The following SNX14 variants were observed in gnomAD, a reference collection of about 807,000 sequenced individuals.
SNX14 encodes sorting nexin-14.
SNX14 carries 93 observed loss-of-function variants against 133.8 expected under a neutral mutation model. The observed-to-expected ratio is 0.70, with a 90% confidence interval of 0.59 to 0.83. The LOEUF (loss-of-function observed/expected upper bound fraction) is 0.83, where lower values mean the gene tolerates loss of function less well. Among genes scored for constraint, SNX14 ranks in the 40% least tolerant of loss-of-function variants. The probability of loss-of-function intolerance (pLI) is 0.00; values close to 1 mark genes in which losing one functional copy is unlikely to be tolerated. For missense variants in SNX14, 945 were observed against 1,094.9 expected (o/e 0.86, Z 1.93); for synonymous variants, 368 against 365.6 (o/e 1.01, Z -0.07).
intron 18 of SNX14, among the ~76,000 whole-genome samples, chr6:85,530,601 C>A (rs189277907): frequency 6.7e-6 from 1 of 149,534 alleles, no homozygotes; most frequent in Non-Finnish European, 1.5e-5. Context: ...GCCGAGATTG[C>A]GCCATTGCAC....
intron 24 of SNX14, 81 bp downstream of exon 24, chr6:85,514,425 G>C: frequency 3.3e-6 from 5 of 1,526,030 alleles, no homozygotes; most frequent in Middle Eastern, 1.7e-4. Flanking sequence ...AGTTATGATG[G>C]GGCAATACTC....
Position 85,593,854 on chromosome 6 carries a change from C to A in SNX14, c.-136G>T. On this transcript the variant is annotated 5_prime_UTR_variant, in exon 1 of 29. Coordinates refer to ENST00000314673, the MANE Select transcript of SNX14 (RefSeq NM_153816.6). Reference sequence around the variant, plus strand: ...CCTACCGGCAGTTAGCCGCCGCAGGCTGAGGTCGCGTCCGGCTGGGCCCAG... The same window carrying A: ...CCTACCGGCAGTTAGCCGCCGCAGGATGAGGTCGCGTCCGGCTGGGCCCAG... The A allele has an allele frequency of 6.7e-7, 1 of 1,488,344 alleles. No homozygotes were observed. The highest frequency in any genetic ancestry group is 8.9e-7 in the Non-Finnish European group (1 of 1,126,302). The allele number at this position is 1,488,344 out of a possible 1,614,324, so 92.2% of individuals were successfully genotyped here.
intron 1 of SNX14, among the ~76,000 whole-genome samples, chr6:85,591,284 A>C (rs965048743): frequency 2.0e-5 from 3 of 151,574 alleles, no homozygotes; most frequent in Non-Finnish European, 4.4e-5. Flanking sequence ...ACACATATAC[A>C]CTGAAAAGCA....
chr6:85,569,101 T>A (rs915589176), intron 4 of SNX14, among the ~76,000 whole-genome samples: 57 of 152,160 alleles, frequency 3.7e-4, no homozygotes, highest in Non-Finnish European at 1.0e-4. Flanking sequence ...TAGCTGGGAT[T>A]ATAGGCATGT....
rs115055058 is a variant in SNX14 at position 85,558,535 on chromosome 6, C to T, written c.550-475G>A. ...AGCCTGGAGAGCAGTGGCACCATCT[C>T]ACTGCAGTCTCAGTCTCCCGGGCTC... On this transcript the variant is annotated intron_variant, in intron 6 of 28. Coordinates refer to ENST00000314673, the MANE Select transcript of SNX14 (RefSeq NM_153816.6). Among the ~76,000 whole-genome samples, 1,510 of 152,326 alleles carry T rather than the reference C, an allele frequency of 9.9e-3. 30 individuals are homozygous for T. The highest frequency in any genetic ancestry group is 0.035 in the African/African-American group (1,453 of 41,570).
Position 85,569,396 on chromosome 6 carries a change from T to C in SNX14, c.418-1819A>G, listed in dbSNP as rs889691618. ...CATTTGACCACATCATCCTCTTGCATGAAATCCTCAACATATCAAACCTGA... is the reference window on the plus strand; with the variant it reads ...CATTTGACCACATCATCCTCTTGCACGAAATCCTCAACATATCAAACCTGA... On this transcript the variant is annotated intron_variant, in intron 4 of 28. Transcript: ENST00000314673. Among the ~76,000 whole-genome samples, 49 of 152,324 alleles carry C rather than the reference T, an allele frequency of 3.2e-4. No homozygotes were observed. In the Middle Eastern group the frequency reaches 0.01, roughly 32 times the overall value.
chr6:85,591,939 G>C lies in SNX14; in HGVS notation c.140+1640C>G, dbSNP rs906497368. Among the ~76,000 whole-genome samples, 4 of 152,220 alleles carry C rather than the reference G, an allele frequency of 2.6e-5. No homozygotes were observed. In the South Asian group the frequency reaches 8.3e-4, roughly 32 times the overall value. On this transcript the variant is annotated intron_variant, in intron 1 of 28. Coordinates refer to ENST00000314673, the MANE Select transcript of SNX14 (RefSeq NM_153816.6). The stretch of plus-strand genomic sequence containing the variant: ...GAGGCATGAGAATCACTTGAACCTG[G>C]AAGGTGGCTGTTGCAGTGAGCCGAG...
At chr6:85,520,656 C>T (rs1290758066) in intron 21 of SNX14, among the ~76,000 whole-genome samples, 2 of 152,166 alleles carry the variant, frequency 1.3e-5, no homozygotes, top group East Asian at 1.9e-4. Flanking sequence ...CCACGCCCAA[C>T]GATTTTTTAA....
intron 7 of SNX14, among the ~76,000 whole-genome samples, chr6:85,550,937 C>A (rs1457514268): frequency 6.6e-6 from 1 of 151,936 alleles, no homozygotes; most frequent in African/African-American, 2.4e-5. Context: ...CCGGCCACCA[C>A]CTCCAGCTAA....
intron 4 of SNX14, 47 bp downstream of exon 4, chr6:85,572,090 A>T: frequency 6.6e-7 from 1 of 1,507,940 alleles, no homozygotes; most frequent in Non-Finnish European, 9.0e-7. Flanking sequence ...AAATTTTTCC[A>T]CAGGCATTTA....
intron 7 of SNX14, among the ~76,000 whole-genome samples, chr6:85,552,824 C>A (rs910176968): frequency 6.6e-6 from 1 of 152,122 alleles, no homozygotes; most frequent in Non-Finnish European, 1.5e-5. Flanking sequence ...GAGAGTTACA[C>A]CCACAGGCCA....
intron 7 of SNX14, among the ~76,000 whole-genome samples, chr6:85,550,762 T>G (rs960492235): frequency 6.6e-6 from 1 of 151,880 alleles, no homozygotes; most frequent in Non-Finnish European, 1.5e-5. Flanking sequence ...GCCTCCCAAA[T>G]TGCTGGGATT....
intron 1 of SNX14, 75 bp from the exon 2 acceptor site, chr6:85,574,453 C>T: frequency 1.8e-6 from 2 of 1,103,070 alleles, no homozygotes. Context: ...ACTGACTTAA[C>T]AAGCATTCAT....
Position 85,507,273 on chromosome 6 carries a change from A to C in SNX14, c.2762T>G (p.Leu921Trp). 1.2e-6 allele frequency: 2 copies of C among 1,610,578 alleles called. No individual in the cohort carries two copies. The highest frequency in any genetic ancestry group is 1.7e-6 in the Non-Finnish European group (2 of 1,178,870). ...AAACAGTTCCTGTATCACAATGTCC[A>C]ATAAAACATAAGTCAGCTAAAGCAC... is the stretch of plus-strand genomic sequence containing the variant. ...VLNKQLTYVL[L>W]DIVIQELFPE... is the part of the protein sequence containing the mutation. Residue 921 changes from leucine (L) to tryptophan (W), a missense_variant, in exon 28 of 29, where the codon TTG becomes TGG. Physicochemically the swap from Leu to Trp is moderately conservative, Grantham distance 61 (BLOSUM62 -2). Coordinates refer to ENST00000314673, the MANE Select transcript of SNX14 (RefSeq NM_153816.6).
intron 1 of SNX14, among the ~76,000 whole-genome samples, chr6:85,585,989 G>GA (rs1800700345): frequency 7.1e-5 from 9 of 125,902 alleles, no homozygotes; most frequent in African/African-American, 2.6e-4. Flanking sequence ...CCCCGCAACA[G>GA]GAAAAAAAAA....
intron 2 of SNX14, among the ~76,000 whole-genome samples, 167 bp downstream of exon 2, chr6:85,574,091 C>T (rs1437708917): frequency 3.5e-5 from 5 of 141,062 alleles, no homozygotes; most frequent in Non-Finnish European, 6.1e-5. Flanking sequence ...AATAAAATCA[C>T]TGCTTTTAGC....
At chr6:85,559,801 T>TA (rs1428825711) in intron 6 of SNX14, among the ~76,000 whole-genome samples, 1 of 152,080 alleles carries the variant, frequency 6.6e-6, no homozygotes, top group Non-Finnish European at 1.5e-5. Context: ...AACTCAGTAA[T>TA]AAAAAAATAA....
intron 1 of SNX14, among the ~76,000 whole-genome samples, chr6:85,586,098 C>T (rs1475365285): frequency 1.3e-5 from 2 of 151,272 alleles, no homozygotes; most frequent in East Asian, 1.9e-4. Context: ...AAGGAAACCA[C>T]AACAAAATCC....
At chr6:85,592,825 TAAAAAAAAA>T (rs11427677) in intron 1 of SNX14, among the ~76,000 whole-genome samples, 1 of 130,658 alleles carries the variant, frequency 7.7e-6, no homozygotes, top group South Asian at 2.4e-4. Context: ...CCGTCTCTAC[TAAAAAAAAA>T]AAAAAAAAAT....
Sources: allele counts gnomAD v4.1 joint callset (sites outside exome capture counted in the v4.1 genomes callset), GRCh38; gene constraint gnomAD v4.1.1; transcripts MANE v1.5; gene names NCBI Gene and HGNC (gene_info 2026-07-23, HGNC 2026-07-21).